The following GPHN variants were observed in gnomAD, a reference collection of about 807,000 sequenced individuals.
GPHN encodes gephyrin.
GPHN carries 17 observed loss-of-function variants against 95.5 expected under a neutral mutation model. The ratio of observed to expected loss-of-function variants is 0.18; its 90% CI spans 0.12 to 0.27. The LOEUF is 0.27. GPHN is among the 10% of genes least tolerant of loss of function. The probability of loss-of-function intolerance (pLI) is 1.00; values close to 1 mark genes in which losing one functional copy is unlikely to be tolerated. For missense variants in GPHN, 660 were observed against 978.1 expected (o/e 0.67, Z 4.34); for synonymous variants, 320 against 322.5 (o/e 0.99, Z 0.08).
chr14:66,537,624 T>G (rs776628709), intron 1 of GPHN, among the ~76,000 whole-genome samples: 30 of 152,216 alleles, frequency 2.0e-4, no homozygotes, highest in Admixed American at 7.2e-4. Flanking sequence ...TTTATCCACA[T>G]GTGTACCCTT....
chr14:66,598,461 C>T (rs924144308), intron 1 of GPHN, among the ~76,000 whole-genome samples: 2 of 152,008 alleles, frequency 1.3e-5, no homozygotes, highest in African/African-American at 4.8e-5. Context: ...TTAGTGAATC[C>T]AGTGGTCTTA....
At chr14:67,097,537 C>T (rs985187071) in intron 12 of GPHN, among the ~76,000 whole-genome samples, 1 of 151,946 alleles carries the variant, frequency 6.6e-6, no homozygotes, top group East Asian at 1.9e-4. Context: ...CCCTATTTCC[C>T]TCCCTTTGTC....
chr14:66,524,990 T>C (rs745440703), intron 1 of GPHN, among the ~76,000 whole-genome samples: 3 of 152,196 alleles, frequency 2.0e-5, no homozygotes, highest in African/African-American at 7.2e-5. Flanking sequence ...GTAGAATGAT[T>C]TATAATCCTT....
At chr14:67,601,096 ATCG>A in the GPHN span, among the ~76,000 whole-genome samples, 15 of 152,210 alleles carry the variant, frequency 9.9e-5, no homozygotes, top group Admixed American at 9.8e-4. Flanking sequence ...ATAAGAGAGT[ATCG>A]TTGGCAATAC....
At chr14:67,388,386 AAAG>A in the GPHN span, 1 of 830,566 alleles carries the variant, frequency 1.2e-6, no homozygotes, top group Non-Finnish European at 2.1e-6. Flanking sequence ...CAGGCCAGCT[AAAG>A]AAGTGAGTGC....
the GPHN span, among the ~76,000 whole-genome samples, chr14:67,661,529 CTTTTTTTTTTTTT>C: frequency 9.1e-6 from 1 of 110,076 alleles, no homozygotes; most frequent in African/African-American, 3.7e-5. Context: ...GAACAGTAAC[CTTTTTTTTTTTTT>C]TTTTTTTTTG....
chr14:67,575,771 A>G, the GPHN span: 1 of 1,350,030 alleles, frequency 7.4e-7, no homozygotes, highest in Non-Finnish European at 1.0e-6. Context: ...GAGAGAGGAG[A>G]CTCCCTCATC....
intron 11 of GPHN, among the ~76,000 whole-genome samples, chr14:67,066,046 A>G (rs2076043767): frequency 6.6e-6 from 1 of 152,058 alleles, no homozygotes; most frequent in Admixed American, 6.6e-5. Flanking sequence ...GTTCTTTACA[A>G]TTTGGCAGGT....
At chr14:66,976,558 A>G (rs1359886344) in intron 9 of GPHN, among the ~76,000 whole-genome samples, 6 of 152,062 alleles carry the variant, frequency 3.9e-5, no homozygotes, top group African/African-American at 7.2e-5. Flanking sequence ...AAAATTAGGT[A>G]TTTTCTGGCC....
At chr14:67,421,790 G>A in the GPHN span, among the ~76,000 whole-genome samples, 1 of 152,122 alleles carries the variant, frequency 6.6e-6, no homozygotes, top group Non-Finnish European at 1.5e-5. Flanking sequence ...TGTGCTTTGC[G>A]GGTTCTCGGT....
intron 2 of GPHN, among the ~76,000 whole-genome samples, chr14:66,710,747 A>G (rs1263250349): frequency 1.3e-5 from 2 of 152,202 alleles, no homozygotes; most frequent in Non-Finnish European, 2.9e-5. Flanking sequence ...TAGGTTTTCC[A>G]CTAAATAGGG....
At chr14:66,998,264 C>G (rs1456016996) in intron 9 of GPHN, among the ~76,000 whole-genome samples, 1 of 151,992 alleles carries the variant, frequency 6.6e-6, no homozygotes, top group Non-Finnish European at 1.5e-5. Flanking sequence ...AAGTGTGTTT[C>G]TCTTTCTGTC....
intron 3 of GPHN, among the ~76,000 whole-genome samples, chr14:66,788,017 G>T (rs995559994): frequency 3.9e-5 from 6 of 152,102 alleles, no homozygotes; most frequent in Non-Finnish European, 8.8e-5. Flanking sequence ...AAAAAATTTT[G>T]TTCTGTGAAA....
chr14:66,699,691 A>G (rs1196951142), intron 2 of GPHN, among the ~76,000 whole-genome samples: 1 of 152,106 alleles, frequency 6.6e-6, no homozygotes, highest in Non-Finnish European at 1.5e-5. Context: ...CTTCAACTTC[A>G]CCTCTCACTA....
chr14:66,616,372 C>A (rs894367073), intron 1 of GPHN, among the ~76,000 whole-genome samples: 4 of 150,428 alleles, frequency 2.7e-5, no homozygotes, highest in African/African-American at 1.0e-4. Flanking sequence ...ATCTTTGAGG[C>A]TGCTGACCCA....
At chr14:67,659,869 G>A in the GPHN span, 2,903 of 1,614,178 alleles carry the variant, frequency 1.8e-3, 52 homozygotes, top group African/African-American at 0.035. Flanking sequence ...TAGACATCAT[G>A]GGGTTTCGGA....
the GPHN span, among the ~76,000 whole-genome samples, chr14:67,267,297 C>T: frequency 3.9e-5 from 6 of 151,984 alleles, no homozygotes; most frequent in East Asian, 5.8e-4. Context: ...TCACTCTTGT[C>T]GCCCAGGCTG....
chr14:67,602,738 A>G, the GPHN span, among the ~76,000 whole-genome samples: 19 of 152,228 alleles, frequency 1.2e-4, no homozygotes, highest in Non-Finnish European at 2.8e-4. Flanking sequence ...ACTGACAGAA[A>G]TCACAGATAT....
At chr14:67,592,323 C>A in the GPHN span, 1 of 435,826 alleles carries the variant, frequency 2.3e-6, no homozygotes, top group Non-Finnish European at 4.2e-6. Context: ...ACCTGTAGTC[C>A]CAAGTTCTCA....
Sources: gnomAD v4.1 joint callset for allele counts (sites outside exome capture counted in the v4.1 genomes callset) on GRCh38, gnomAD v4.1.1 for gene constraint, MANE v1.5 for transcripts, NCBI Gene and HGNC (gene_info 2026-07-23, HGNC 2026-07-21) for gene names.